MAGI2: variants seen among roughly 807,000 people sequenced by gnomAD.
The protein encoded by MAGI2 is membrane associated guanylate kinase, WW and PDZ domain containing 2.
Under a neutral mutation model 133.3 loss-of-function variants are expected in MAGI2, and 35 were observed. The observed-to-expected ratio is 0.26, with a 90% CI of 0.20 to 0.35. The LOEUF (loss-of-function observed/expected upper bound fraction) is 0.35. Ranked by LOEUF, MAGI2 falls within the 10% of genes least tolerant of loss-of-function variation. The pLI, the probability that MAGI2 is intolerant of heterozygous loss-of-function variation, is 1.00. For synonymous variants in MAGI2, 729 were observed against 710.6 expected (o/e 1.03, Z -0.41); for missense variants, 1,636 against 1,863.4 (o/e 0.88, Z 2.25).
chr7:78,809,592 A>G (rs1342387480), intron 2 of MAGI2, among the ~76,000 whole-genome samples: 1 of 151,764 alleles, frequency 6.6e-6, no homozygotes, highest in Non-Finnish European at 1.5e-5. Context: ...TGTCAGCTTT[A>G]TCTGTAATGA....
intron 12 of MAGI2, among the ~76,000 whole-genome samples, chr7:78,191,084 C>T (rs1196350990): frequency 6.6e-6 from 1 of 152,086 alleles, no homozygotes; most frequent in Non-Finnish European, 1.5e-5. Flanking sequence ...GTAGTAATGA[C>T]TTAGGGTCAA....
At chr7:79,129,922 A>T (rs993268408) in intron 1 of MAGI2, among the ~76,000 whole-genome samples, 5 of 152,114 alleles carry the variant, frequency 3.3e-5, no homozygotes, top group Non-Finnish European at 7.4e-5. Context: ...TTAGCTGACA[A>T]ATGTCTGCCA....
intron 1 of MAGI2, among the ~76,000 whole-genome samples, chr7:79,448,498 A>G (rs10261608): frequency 0.35 from 52,878 of 151,892 alleles, 9,581 homozygotes; most frequent in African/African-American, 0.45. Flanking sequence ...GACACTACAC[A>G]CTTTAAATAC....
intron 10 of MAGI2, among the ~76,000 whole-genome samples, chr7:78,205,395 G>C (rs1316859918): frequency 7.2e-5 from 11 of 152,164 alleles, no homozygotes; most frequent in Non-Finnish European, 1.6e-4. Context: ...GCCTCCCAAA[G>C]TGCTGGGATT....
chr7:78,417,759 A>G (rs1798434115), intron 6 of MAGI2, among the ~76,000 whole-genome samples: 1 of 152,140 alleles, frequency 6.6e-6, no homozygotes, highest in Admixed American at 6.6e-5. Context: ...AATAGGTTGG[A>G]TAAATTGTCT....
intron 6 of MAGI2, among the ~76,000 whole-genome samples, chr7:78,388,862 G>A (rs747011320): frequency 6.6e-6 from 1 of 152,068 alleles, no homozygotes; most frequent in Admixed American, 6.6e-5. Flanking sequence ...AATCACGTCG[G>A]TACTACAAAT....
intron 9 of MAGI2, among the ~76,000 whole-genome samples, chr7:78,300,342 A>G (rs933230697): frequency 2.0e-5 from 3 of 152,212 alleles, no homozygotes; most frequent in Admixed American, 1.3e-4. Flanking sequence ...TTATGCATTT[A>G]AAAGCATTAT....
intron 9 of MAGI2, among the ~76,000 whole-genome samples, chr7:78,305,562 A>C (rs891014792): frequency 1.3e-5 from 2 of 152,204 alleles, no homozygotes; most frequent in Admixed American, 6.5e-5. Context: ...TATGCAAAGT[A>C]ACTCAAGATC....
chr7:79,245,846 T>C (rs1408023969), intron 1 of MAGI2, among the ~76,000 whole-genome samples: 1 of 152,164 alleles, frequency 6.6e-6, no homozygotes, highest in Non-Finnish European at 1.5e-5. Flanking sequence ...TGGCTTCAGG[T>C]GTGGCCCAGC....
chr7:79,389,168 A>T (rs1198781807), intron 1 of MAGI2, among the ~76,000 whole-genome samples: 4 of 152,064 alleles, frequency 2.6e-5, no homozygotes, highest in Admixed American at 2.0e-4. Flanking sequence ...TCTTCTATCC[A>T]CATATCCTTA....
chr7:79,362,354 A>G (rs1455189624), intron 1 of MAGI2, among the ~76,000 whole-genome samples: 3 of 152,118 alleles, frequency 2.0e-5, no homozygotes, highest in Non-Finnish European at 4.4e-5. Flanking sequence ...AACTCTCATC[A>G]AAAAGTGAAT....
At chr7:79,038,034 T>C (rs753660600) in intron 1 of MAGI2, among the ~76,000 whole-genome samples, 1 of 152,222 alleles carries the variant, frequency 6.6e-6, no homozygotes, top group African/African-American at 2.4e-5. Flanking sequence ...TCAAGAGTCA[T>C]GTAATGTCTA....
intron 1 of MAGI2, among the ~76,000 whole-genome samples, chr7:79,382,477 CAGTAT>C (rs1843861962): frequency 6.6e-6 from 1 of 151,504 alleles, no homozygotes; most frequent in African/African-American, 2.4e-5. Flanking sequence ...GTTAAGCCTA[CAGTAT>C]CTGGAGTCAA....
chr7:78,676,368 G>T lies in MAGI2; in HGVS notation c.419-49129C>A, dbSNP rs147095808. Among the ~76,000 whole-genome samples, 959 of 152,194 alleles carry T rather than the reference G, an allele frequency of 6.3e-3. 4 individuals are homozygous for T. The highest frequency in any genetic ancestry group is 0.024 in the Middle Eastern group (7 of 294). On this transcript the variant is annotated intron_variant, in intron 2 of 21. Coordinates refer to ENST00000354212, the MANE Select transcript of MAGI2 (RefSeq NM_012301.4). ...TTTAGATTCTCACACTGTTTTCTTGGCGATTCAGACCTTTTCTAATTTAAG... is the reference window on the plus strand; with the variant it reads ...TTTAGATTCTCACACTGTTTTCTTGTCGATTCAGACCTTTTCTAATTTAAG...
chr7:79,062,176 T>C (rs1813817057), intron 1 of MAGI2, among the ~76,000 whole-genome samples: 1 of 152,106 alleles, frequency 6.6e-6, no homozygotes, highest in African/African-American at 2.4e-5. Context: ...TACTGGCCCA[T>C]GATTAGTTAT....
At chr7:79,371,983 G>A (rs1023370268) in intron 1 of MAGI2, among the ~76,000 whole-genome samples, 1 of 152,112 alleles carries the variant, frequency 6.6e-6, no homozygotes, top group Non-Finnish European at 1.5e-5. Flanking sequence ...TGCTTTACAG[G>A]CATTATATTA....
In MAGI2 at chr7:78,125,854, A is replaced by C. The variant is rs1445139348; in HGVS notation, c.3424-17T>G. ...ATCAAAATCCTTTGGGGTTGGGGAG[A>C]AAATGGAATAAATAATTATTTAGTT... On this transcript the variant is annotated splice_polypyrimidine_tract_variant and intron_variant, in intron 19 of 21. Coordinates refer to ENST00000354212, the MANE Select transcript of MAGI2 (RefSeq NM_012301.4). 1 of 1,611,892 alleles carries C rather than the reference A, an allele frequency of 6.2e-7. No individual in the cohort carries two copies. The highest frequency in any genetic ancestry group is 1.7e-5 in the Admixed American group (1 of 59,902).
intron 5 of MAGI2, among the ~76,000 whole-genome samples, chr7:78,501,156 T>C (rs977119048): frequency 3.3e-5 from 5 of 152,198 alleles, no homozygotes; most frequent in African/African-American, 1.2e-4. Flanking sequence ...CTTTAAATAG[T>C]TGCATTTTAT....
At chr7:78,832,747 G>T (rs1791300006) in intron 2 of MAGI2, among the ~76,000 whole-genome samples, 1 of 152,194 alleles carries the variant, frequency 6.6e-6, no homozygotes, top group African/African-American at 2.4e-5. Flanking sequence ...TGGCATGCAG[G>T]ATTGTGTAAA....
Sources: allele counts gnomAD v4.1 joint callset (sites outside exome capture counted in the v4.1 genomes callset), GRCh38; gene constraint gnomAD v4.1.1; transcripts MANE v1.5; gene names NCBI Gene and HGNC (gene_info 2026-07-23, HGNC 2026-07-21).